Variants in GRIA1 observed in about 807,000 individuals in gnomAD.
GRIA1 encodes glutamate ionotropic receptor AMPA type subunit 1, also known as glutamate receptor 1.
GRIA1 carries 31 observed loss-of-function variants against 99.2 expected under a neutral mutation model. That is an observed-to-expected ratio of 0.31 (90% CI 0.23 to 0.42). The LOEUF is 0.42. Among genes scored for constraint, GRIA1 ranks in the 10% least tolerant of loss-of-function variants. The pLI, the probability that GRIA1 is intolerant of heterozygous loss-of-function variation, is 1.00. For synonymous variants in GRIA1, 438 were observed against 432.4 expected (o/e 1.01, Z -0.16); for missense variants, 782 against 1,157.5 (o/e 0.68, Z 4.71).
intron 11 of GRIA1, among the ~76,000 whole-genome samples, chr5:153,743,503 C>G (rs1400364752): frequency 6.6e-6 from 1 of 152,108 alleles, no homozygotes; most frequent in African/African-American, 2.4e-5. Context: ...ACTGAAATCC[C>G]CATTTTCTTG....
intron 2 of GRIA1, among the ~76,000 whole-genome samples, chr5:153,621,629 C>G (rs1767061350): frequency 6.6e-6 from 1 of 152,060 alleles, no homozygotes; most frequent in African/African-American, 2.4e-5. Flanking sequence ...ACTTGGGCCC[C>G]CATTAGTTTG....
chr5:153,579,349 C>T (rs1005078539), intron 2 of GRIA1, among the ~76,000 whole-genome samples: 1 of 152,000 alleles, frequency 6.6e-6, no homozygotes, highest in Non-Finnish European at 1.5e-5. Flanking sequence ...TATTTTTGGG[C>T]TAGGAAACAA....
chr5:153,534,712 A>T (rs894699170), intron 2 of GRIA1, among the ~76,000 whole-genome samples: 1 of 152,172 alleles, frequency 6.6e-6, no homozygotes, highest in African/African-American at 2.4e-5. Context: ...GACCCTGAAG[A>T]AGTCAGGCAT....
intron 2 of GRIA1, among the ~76,000 whole-genome samples, chr5:153,538,818 G>A (rs886739332): frequency 6.6e-6 from 1 of 152,130 alleles, no homozygotes; most frequent in Non-Finnish European, 1.5e-5. Flanking sequence ...CATCCTACAG[G>A]TGCGTTCATA....
chr5:153,596,905 A>T (rs1764482904), intron 2 of GRIA1, among the ~76,000 whole-genome samples: 1 of 152,336 alleles, frequency 6.6e-6, no homozygotes, highest in South Asian at 2.1e-4. Context: ...AGCCGGTGCT[A>T]GTGCCACTCA....
At chr5:153,515,186 G>T (rs1241697884) in intron 2 of GRIA1, among the ~76,000 whole-genome samples, 1 of 152,030 alleles carries the variant, frequency 6.6e-6, no homozygotes, top group Non-Finnish European at 1.5e-5. Flanking sequence ...CATGTTCATT[G>T]CAGCATTATT....
chr5:153,525,921 C>T (rs1001177753), intron 2 of GRIA1, among the ~76,000 whole-genome samples: 2 of 152,170 alleles, frequency 1.3e-5, no homozygotes, highest in South Asian at 4.1e-4. Flanking sequence ...TATCTGTGAT[C>T]ATGGTATATA....
intron 2 of GRIA1, among the ~76,000 whole-genome samples, chr5:153,516,542 G>C (rs766619148): frequency 8.5e-5 from 13 of 152,068 alleles, no homozygotes; most frequent in Admixed American, 1.3e-4. Context: ...ACCTGGATTT[G>C]AGTCCCCTGT....
chr5:153,750,470 G>A (rs1315124301), intron 11 of GRIA1, among the ~76,000 whole-genome samples: 1 of 152,106 alleles, frequency 6.6e-6, no homozygotes, highest in Non-Finnish European at 1.5e-5. Flanking sequence ...GACACGACGT[G>A]TTTTTGAAAT....
intron 5 of GRIA1, among the ~76,000 whole-genome samples, chr5:153,673,850 C>A (rs914978110): frequency 6.6e-6 from 1 of 152,136 alleles, no homozygotes; most frequent in African/African-American, 2.4e-5. Flanking sequence ...AATAAACAAT[C>A]CTTCATGGTT....
intron 11 of GRIA1, among the ~76,000 whole-genome samples, chr5:153,742,063 TA>T (rs1761840480): frequency 6.6e-6 from 1 of 152,128 alleles, no homozygotes; most frequent in South Asian, 2.1e-4. Flanking sequence ...GAAACCCCTT[TA>T]TACAACCTAA....
intron 5 of GRIA1, among the ~76,000 whole-genome samples, chr5:153,662,976 C>G (rs1755479720): frequency 6.6e-6 from 1 of 152,208 alleles, no homozygotes; most frequent in South Asian, 2.1e-4. Flanking sequence ...TCTCACCTCA[C>G]TGTTCGGTAA....
At chr5:153,538,370 C>T (rs181736158) in intron 2 of GRIA1, among the ~76,000 whole-genome samples, 1 of 151,784 alleles carries the variant, frequency 6.6e-6, no homozygotes, top group East Asian at 1.9e-4. Context: ...AAGTCTATGA[C>T]AAAAAGATTT....
intron 2 of GRIA1, chr5:153,557,778 T>A (rs887323127): frequency 6.6e-6 from 1 of 152,190 alleles, no homozygotes; most frequent in African/African-American, 2.4e-5. Flanking sequence ...AACATCACTG[T>A]CTTTCTTCCA....
chr5:153,703,802 G>A (rs905207693), intron 10 of GRIA1, among the ~76,000 whole-genome samples: 1 of 152,122 alleles, frequency 6.6e-6, no homozygotes, highest in Non-Finnish European at 1.5e-5. Flanking sequence ...AATCACATTA[G>A]GAAGCATCCA....
At chr5:153,783,351 C>T (rs547992059) in intron 13 of GRIA1, among the ~76,000 whole-genome samples, 1 of 152,308 alleles carries the variant, frequency 6.6e-6, no homozygotes, top group African/African-American at 2.4e-5. Flanking sequence ...TCCAAGGTAT[C>T]TGACACAGAC....
chr5:153,641,047 T>C (rs1753745531), intron 2 of GRIA1, among the ~76,000 whole-genome samples: 1 of 152,108 alleles, frequency 6.6e-6, no homozygotes, highest in Non-Finnish European at 1.5e-5. Flanking sequence ...AGCACATCCC[T>C]TGATGTTACA....
chr5:153,504,241 G>A (rs1327096922), intron 2 of GRIA1, among the ~76,000 whole-genome samples: 1 of 151,772 alleles, frequency 6.6e-6, no homozygotes, highest in Non-Finnish European at 1.5e-5. Flanking sequence ...CGGACATGGG[G>A]GAGGAATAAT....
chr5:153,554,710 T>C (rs1285220665), intron 2 of GRIA1, among the ~76,000 whole-genome samples: 1 of 152,098 alleles, frequency 6.6e-6, no homozygotes, highest in African/African-American at 2.4e-5. Flanking sequence ...GCCAGGCTGG[T>C]CACAAACTGC....
Sources: gnomAD v4.1 joint callset for allele counts (sites outside exome capture counted in the v4.1 genomes callset) on GRCh38, gnomAD v4.1.1 for gene constraint, MANE v1.5 for transcripts, NCBI Gene and HGNC (gene_info 2026-07-23, HGNC 2026-07-21) for gene names.